The following RRP15 variants were observed in gnomAD, a reference collection of about 807,000 sequenced individuals.
RRP15 encodes RRP15-like protein.
In RRP15, 18 loss-of-function variants were observed where a neutral mutation model predicts 27.1. The observed-to-expected ratio is 0.66, with a 90% CI of 0.46 to 0.98. The LOEUF is 0.98. Ranked by LOEUF, RRP15 falls within the 50% of genes least tolerant of loss-of-function variation. The pLI, the probability that RRP15 is intolerant of heterozygous loss-of-function variation, is 0.00. For synonymous variants in RRP15, 107 were observed against 109.4 expected, an observed-to-expected ratio of 0.98 and a Z score of 0.14; for missense variants, 359 against 337.8, an observed-to-expected ratio of 1.06 and a Z score of -0.49.
chr1:218,287,557 G>A (rs1280599947), intron 1 of RRP15, among the ~76,000 whole-genome samples: 1 of 152,192 alleles, frequency 6.6e-6, no homozygotes, highest in Non-Finnish European at 1.5e-5. Flanking sequence ...TCAGTTTTAG[G>A]AAAGATATTA....
intron 3 of RRP15, among the ~76,000 whole-genome samples, chr1:218,306,561 G>A (rs191167709): frequency 6.6e-6 from 1 of 152,170 alleles, no homozygotes; most frequent in Non-Finnish European, 1.5e-5. Context: ...AATAATTATT[G>A]GAAGAGGCAG....
At chr1:218,317,135 G>A (rs1384439166) in intron 4 of RRP15, among the ~76,000 whole-genome samples, 2 of 152,176 alleles carry the variant, frequency 1.3e-5, no homozygotes, top group African/African-American at 2.4e-5. Flanking sequence ...TCATCTTTGT[G>A]AATAATGTGC....
Position 218,333,011 on chromosome 1 carries a change from AC to A in RRP15, c.*1921del, listed in dbSNP as rs1454424893. 1 of 152,180 alleles carries A rather than the reference AC, an allele frequency of 6.6e-6. No homozygotes were observed. Among genetic ancestry groups the A allele is most frequent in the Non-Finnish European group, 1.5e-5 (1 of 68,022 alleles). 9.4% of individuals were successfully genotyped at this position (152,180 alleles called of 1,614,324 possible). On this transcript the variant is annotated 3_prime_UTR_variant, in exon 5 of 5. Transcript: ENST00000366932. ...TGAATAGTACATTCACATGATAGAT[AC>A]GGATAAATACCTTATTTACTAAAAT... is the stretch of plus-strand genomic sequence containing the variant.
At chr1:218,308,996 T>A (rs1427026301) in intron 4 of RRP15, among the ~76,000 whole-genome samples, 1 of 152,244 alleles carries the variant, frequency 6.6e-6, no homozygotes, top group African/African-American at 2.4e-5. Context: ...TAGAAGCACA[T>A]ACTTTTGCTT....
chr1:218,326,431 T>TG (rs1308540142), intron 4 of RRP15, among the ~76,000 whole-genome samples: 3 of 152,248 alleles, frequency 2.0e-5, no homozygotes, highest in Admixed American at 1.3e-4. Context: ...TTGAGATTTT[T>TG]GTTCCTACAA....
intron 1 of RRP15, among the ~76,000 whole-genome samples, chr1:218,299,867 T>C (rs946648147): frequency 3.3e-5 from 5 of 152,182 alleles, no homozygotes; most frequent in Non-Finnish European, 7.4e-5. Flanking sequence ...CAGTGTACTT[T>C]CCTGGGTACA....
At chr1:218,316,164 G>A (rs1163613541) in intron 4 of RRP15, among the ~76,000 whole-genome samples, 4 of 152,154 alleles carry the variant, frequency 2.6e-5, no homozygotes, top group Non-Finnish European at 5.9e-5. Flanking sequence ...GCAGCATTTT[G>A]ACTTATGGAA....
chr1:218,305,243 T>C, intron 3 of RRP15, 118 bp downstream of exon 3: 1 of 679,784 alleles, frequency 1.5e-6, no homozygotes, highest in Non-Finnish European at 2.5e-6. Flanking sequence ...GATATATATC[T>C]AAGCCTGCCT....
At chr1:218,302,653 C>T (rs1320205328) in intron 2 of RRP15, 94 bp downstream of exon 2, 21 of 1,508,800 alleles carry the variant, frequency 1.4e-5, no homozygotes, top group Non-Finnish European at 1.9e-5. Context: ...GACCAATTAA[C>T]GTTCCAGTTT....
rs1010579090 is a variant in RRP15 at position 218,330,107 on chromosome 1, C to T, written c.706-841C>T. 5.9e-5 allele frequency among the ~76,000 whole-genome samples: 9 copies of T among 152,180 alleles called. No homozygotes were observed. In the South Asian group the frequency reaches 8.3e-4, roughly 14 times the overall value. The stretch of plus-strand genomic sequence containing the variant: ...GTTAGCCCCCTGAAAACAGGAACTT[C>T]GTTTTGTTCATCACTATGTTTCTAA... On this transcript the variant is annotated intron_variant, in intron 4 of 4. Coordinates refer to ENST00000366932, the MANE Select transcript of RRP15 (RefSeq NM_016052.4).
intron 4 of RRP15, among the ~76,000 whole-genome samples, chr1:218,322,689 G>C (rs1242657474): frequency 6.6e-6 from 1 of 152,074 alleles, no homozygotes; most frequent in Admixed American, 6.5e-5. Context: ...TAATTCTCTA[G>C]CTAGTCCTGC....
intron 1 of RRP15, among the ~76,000 whole-genome samples, chr1:218,293,899 G>A (rs1655681075): frequency 6.6e-6 from 1 of 151,946 alleles, no homozygotes; most frequent in African/African-American, 2.4e-5. Context: ...TGAATAAATT[G>A]GAAATTTCTC....
chr1:218,291,637 T>C lies in RRP15; in HGVS notation c.139+6182T>C, dbSNP rs1036640765. Among the ~76,000 whole-genome samples, 9 of 145,278 alleles carry C rather than the reference T, an allele frequency of 6.2e-5. No individual in the cohort carries two copies. In the Admixed American group the frequency reaches 6.3e-4, roughly 10 times the overall value. On this transcript the variant is annotated intron_variant, in intron 1 of 4. Transcript: ENST00000366932. Reference sequence around the variant, plus strand: ...ACCTCCGCCTCCCAGGTTCAAGCAATTCTTCTGCCTCAGCCTTCCGAGTAG... The same window carrying C: ...ACCTCCGCCTCCCAGGTTCAAGCAACTCTTCTGCCTCAGCCTTCCGAGTAG...
chr1:218,311,002 G>A (rs1380981059), intron 4 of RRP15, among the ~76,000 whole-genome samples: 2 of 152,152 alleles, frequency 1.3e-5, no homozygotes, highest in East Asian at 3.9e-4. Context: ...GCCTGCCTCG[G>A]CCTCCCAAAG....
At chr1:218,310,258 A>G (rs1192833222) in intron 4 of RRP15, among the ~76,000 whole-genome samples, 1 of 152,164 alleles carries the variant, frequency 6.6e-6, no homozygotes, top group African/African-American at 2.4e-5. Flanking sequence ...CTGGGCTGTA[A>G]TGATATTCAG....
At chr1:218,328,989 A>G (rs1571810754) in intron 4 of RRP15, among the ~76,000 whole-genome samples, 2 of 152,286 alleles carry the variant, frequency 1.3e-5, no homozygotes, top group South Asian at 2.1e-4. Flanking sequence ...TGATATGGCT[A>G]TACACTTTTC....
intron 1 of RRP15, among the ~76,000 whole-genome samples, chr1:218,300,613 A>G (rs758329082): frequency 6.6e-6 from 1 of 152,238 alleles, no homozygotes; most frequent in African/African-American, 2.4e-5. Context: ...TACTTTGGTC[A>G]TAACAATAAG....
chr1:218,304,932 T>A, intron 2 of RRP15, 96 bp from the exon 3 acceptor site: 2 of 1,151,610 alleles, frequency 1.7e-6, no homozygotes, highest in South Asian at 2.8e-5. Flanking sequence ...CCAGAATGAT[T>A]TATTACCTTC....
chr1:218,307,642 T>C lies in RRP15; in HGVS notation c.705+10T>C. The C allele has an allele frequency of 6.3e-7, 1 of 1,592,400 alleles. No individual in the cohort carries two copies. The highest frequency in any genetic ancestry group is 8.6e-7 in the Non-Finnish European group (1 of 1,161,666). Reference sequence around the variant, plus strand: ...ACCAAAAGCCAAACAGGTAAAAACTTTTCTATAGGATTCAGTGTATCAGAC... The same window carrying C: ...ACCAAAAGCCAAACAGGTAAAAACTCTTCTATAGGATTCAGTGTATCAGAC... On this transcript the variant is annotated intron_variant, in intron 4 of 4. Coordinates refer to ENST00000366932, the MANE Select transcript of RRP15 (RefSeq NM_016052.4).
Sources: allele counts gnomAD v4.1 joint callset (sites outside exome capture counted in the v4.1 genomes callset), GRCh38; gene constraint gnomAD v4.1.1; transcripts MANE v1.5; gene names NCBI Gene and HGNC (gene_info 2026-07-23, HGNC 2026-07-21).